Variants in IGHMBP2 observed in about 807,000 individuals in gnomAD.
IGHMBP2 encodes immunoglobulin mu DNA binding protein 2.
In IGHMBP2, 81 loss-of-function variants were observed where a neutral mutation model predicts 96.0. The observed-to-expected ratio is 0.84, with a 90% CI of 0.71 to 1.01. IGHMBP2 has a LOEUF of 1.01. IGHMBP2 is among the 50% of genes least tolerant of loss of function. The pLI is 0.00. For missense variants in IGHMBP2, 1,227 were observed against 1,306.3 expected, an observed-to-expected ratio of 0.94 and a Z score of 0.94; for synonymous variants, 557 against 548.9, an observed-to-expected ratio of 1.01 and a Z score of -0.21.
chr11:68,911,881 G>C (rs1858449825), intron 5 of IGHMBP2, among the ~76,000 whole-genome samples: 2 of 152,232 alleles, frequency 1.3e-5, no homozygotes, highest in South Asian at 4.1e-4. Context: ...CCTGGGTCAG[G>C]GTTTATTTGT....
chr11:68,930,643 C>T (rs1345086780), intron 8 of IGHMBP2: 1 of 362,142 alleles, frequency 2.8e-6, no homozygotes, highest in Non-Finnish European at 3.8e-6. Context: ...GCGGCCGCAG[C>T]ACCTTTGCCT....
At chr11:68,938,158 C>A in intron 13 of IGHMBP2, 24 bp from the exon 14 acceptor site, 1 of 1,613,740 alleles carries the variant, frequency 6.2e-7, no homozygotes, top group Non-Finnish European at 8.5e-7. Flanking sequence ...TTCCGTTTGC[C>A]TGAGTGACGC....
chr11:68,933,297 A>G lies in IGHMBP2; in HGVS notation c.1236-2A>G, dbSNP rs1263273394. 1 of 1,611,420 alleles carries G rather than the reference A, an allele frequency of 6.2e-7. No homozygotes were observed. The highest frequency in any genetic ancestry group is 8.5e-7 in the Non-Finnish European group (1 of 1,179,436). ...TTCCCCCTTTCTCCCTCCTGGGCGC[A>G]GGGCTGCGCTGGCAGGACTGTCACT... is the stretch of plus-strand genomic sequence containing the variant. On this transcript the variant is annotated splice_acceptor_variant, in intron 8 of 14. Coordinates refer to ENST00000255078, the MANE Select transcript of IGHMBP2 (RefSeq NM_002180.3). LOFTEE classifies it high-confidence loss of function.
Position 68,936,510 on chromosome 11 carries a change from G to A in IGHMBP2, c.2030G>A (p.Ser677Asn). The change falls in exon 13 of 15, where the codon AGC becomes AAC. Residue 677 changes from serine to asparagine, a missense_variant. Physicochemically the swap from Ser to Asn is conservative, Grantham distance 46. Coordinates refer to ENST00000255078, the MANE Select transcript of IGHMBP2 (RefSeq NM_002180.3). The part of the protein sequence containing the change: ...QGPATSTRTG[S>N]QRQEGGQEAA... ...CCTGCTACGTCCACCAGGACCGGAA[G>A]CCAGCGGCAGGAGGGAGGCCAGGAG... 6.2e-7 allele frequency: 1 copy of A among 1,613,702 alleles called. No homozygotes were observed. The highest frequency in any genetic ancestry group is 1.1e-5 in the South Asian group (1 of 91,078).
rs1342803626 is a variant in IGHMBP2 at position 68,933,787 on chromosome 11, T to C, written c.1419-8T>C. 6.2e-7 allele frequency: 1 copy of C among 1,605,906 alleles called. No homozygotes were observed. Among genetic ancestry groups the C allele is most frequent in the African/African-American group, 1.3e-5 (1 of 74,842 alleles). On this transcript the variant is annotated splice_polypyrimidine_tract_variant and splice_region_variant and intron_variant, in intron 9 of 14. Coordinates refer to ENST00000255078, the MANE Select transcript of IGHMBP2 (RefSeq NM_002180.3). The stretch of plus-strand genomic sequence containing the variant: ...CCCTGATGTGCTCCCTCTCTGCCTG[T>C]GTGCCAGGGACCTCCCAGGTGTGGC...
chr11:68,909,500 T>C (rs1858347747), intron 4 of IGHMBP2, among the ~76,000 whole-genome samples: 1 of 152,026 alleles, frequency 6.6e-6, no homozygotes, highest in East Asian at 1.9e-4. Context: ...TTTAAAATAA[T>C]GTTCTTTTTA....
At chr11:68,922,200 C>T (rs1255951755) in intron 7 of IGHMBP2, among the ~76,000 whole-genome samples, 2 of 151,874 alleles carry the variant, frequency 1.3e-5, no homozygotes, top group Non-Finnish European at 2.9e-5. Context: ...CACCTGTAAT[C>T]CCAGATGCTC....
rs747166731 is a variant in IGHMBP2 at position 68,908,233 on chromosome 11, G to A, written c.345G>A (p.Thr115=). The A allele has an allele frequency of 8.7e-6, 14 of 1,613,940 alleles. No individual in the cohort carries two copies. The highest frequency in any genetic ancestry group is 5.0e-5 in the Admixed American group (3 of 59,982). The change falls in exon 3 of 15, where the codon ACG becomes ACA. Residue 115 remains threonine, a synonymous_variant. Coordinates refer to ENST00000255078, the MANE Select transcript of IGHMBP2 (RefSeq NM_002180.3). ...CCCGGGTCACCCAGAAGTCGGTCAC[G>A]GTGGCCTTTGATGAGTCCCACGATT... The part of the protein sequence containing the change: ...ILTRVTQKSV[T]VAFDESHDFQ...
chr11:68,923,063 C>A (rs751363268), intron 7 of IGHMBP2, among the ~76,000 whole-genome samples: 5 of 152,160 alleles, frequency 3.3e-5, no homozygotes, highest in Non-Finnish European at 5.9e-5. Context: ...TTTCGATGAA[C>A]TGTTCCCCTT....
At chr11:68,906,688 T>G (rs1162586936) in intron 2 of IGHMBP2, among the ~76,000 whole-genome samples, 2 of 146,592 alleles carry the variant, frequency 1.4e-5, no homozygotes, top group Non-Finnish European at 3.0e-5. Context: ...TATTGCCCAG[T>G]CTGGAGTGCA....
intron 7 of IGHMBP2, among the ~76,000 whole-genome samples, chr11:68,925,142 CTTTT>C (rs921409570): frequency 1.8e-5 from 2 of 108,700 alleles, no homozygotes; most frequent in South Asian, 3.0e-4. Context: ...AGTCCAGGTT[CTTTT>C]TTTTTTTTTT....
Position 68,936,760 on chromosome 11 carries a change from A to G in IGHMBP2, c.2280A>G (p.Gln760=), listed in dbSNP as rs1280482095. Residue 760 remains glutamine, a synonymous_variant, in exon 13 of 15, where the codon CAA becomes CAG. Coordinates refer to ENST00000255078, the MANE Select transcript of IGHMBP2 (RefSeq NM_002180.3). ...CCCACGACAGGCTGCGGGTCCACCA[A>G]ATAGCCGAGGAGCACGGGCTGAGGC... ...LNSHDRLRVH[Q]IAEEHGLRHD... The G allele has an allele frequency of 6.2e-7, 1 of 1,614,092 alleles. No individual in the cohort carries two copies. The highest frequency in any genetic ancestry group is 1.1e-5 in the South Asian group (1 of 91,088).
intron 1 of IGHMBP2, among the ~76,000 whole-genome samples, chr11:68,904,961 T>A (rs1858129846): frequency 6.6e-6 from 1 of 152,056 alleles, no homozygotes; most frequent in South Asian, 2.1e-4. Flanking sequence ...CACGTCCTGC[T>A]AATTTTTTGT....
At chr11:68,916,816 G>A (rs1858690608) in intron 6 of IGHMBP2, among the ~76,000 whole-genome samples, 2 of 152,094 alleles carry the variant, frequency 1.3e-5, no homozygotes, top group African/African-American at 2.4e-5. Context: ...TATGCATGAT[G>A]TTTGCTCATC....
intron 5 of IGHMBP2, 48 bp from the exon 6 acceptor site, chr11:68,914,775 T>C (rs775589219): frequency 1.1e-5 from 18 of 1,596,062 alleles, no homozygotes; most frequent in Non-Finnish European, 1.4e-5. Flanking sequence ...TCAACTTCAG[T>C]GGTTTGATTA....
At position 68,911,522 on chromosome 11, in the gene IGHMBP2, C is replaced by T. The variant is rs765439482; in HGVS notation, c.630C>T (p.Ala210=). Residue 210 remains alanine (A), a synonymous_variant, in exon 5 of 15, where the codon GCC becomes GCT. Transcript: ENST00000255078. ...TTGCGCTGTCTCAGAAAGAACTTGC[C>T]ATCATCCATGGACCTCCTGGCACTG... ...VLFALSQKEL[A]IIHGPPGTGK... 2 of 1,614,086 alleles carry T rather than the reference C, an allele frequency of 1.2e-6. No individual in the cohort carries two copies. Among genetic ancestry groups the T allele is most frequent in the East Asian group, 4.5e-5 (2 of 44,880 alleles).
rs1336133557 is a variant in IGHMBP2 at position 68,940,375 on chromosome 11, CACCGTGGGG to C, written c.*648_*656del. On this transcript the variant is annotated 3_prime_UTR_variant, in exon 15 of 15. Transcript: ENST00000255078. ...GTGCCAGCCCCTCCTTGTTGCGCCT[CACCGTGGGG>C]ACCAGGTGAGCCGGCTCTCCCACGT... 6.6e-6 allele frequency: 1 copy of C among 152,424 alleles called. No homozygotes were observed. Among genetic ancestry groups the C allele is most frequent in the East Asian group, 1.9e-4 (1 of 5,148 alleles). 9.4% of individuals were successfully genotyped at this position (152,424 alleles called of 1,614,324 possible). A position where few individuals can be genotyped will look rare whatever the true frequency, so the allele number is the denominator to read the frequency against.
chr11:68,932,343 G>A (rs1487916464), intron 8 of IGHMBP2: 1 of 152,410 alleles, frequency 6.6e-6, no homozygotes, highest in Non-Finnish European at 1.5e-5. Flanking sequence ...CCAGAGGGAA[G>A]GTCTCTGAAG....
Position 68,933,461 on chromosome 11 carries a change from C to A in IGHMBP2, c.1398C>A (p.Ser466=). 6.2e-7 allele frequency: 1 copy of A among 1,612,678 alleles called. No homozygotes were observed. Among genetic ancestry groups the A allele is most frequent in the Non-Finnish European group, 8.5e-7 (1 of 1,179,700 alleles). Residue 466 remains serine, a synonymous_variant, in exon 9 of 15, where the codon TCC becomes TCA. Transcript: ENST00000255078. The part of the protein sequence containing the change: ...MYLGQLTAHS[S]VARHLLRDLP... ...TTGGGCAGCTCACAGCCCACTCTTC[C>A]GTGGCAAGGCACCTCCTGAGGTGAG...
Sources: allele counts gnomAD v4.1 joint callset (sites outside exome capture counted in the v4.1 genomes callset), GRCh38; gene constraint gnomAD v4.1.1; transcripts MANE v1.5; gene names NCBI Gene and HGNC (gene_info 2026-07-23, HGNC 2026-07-21).